XKR4: variants seen among roughly 807,000 people sequenced by gnomAD.
The protein encoded by XKR4 is XK-related protein 4.
In XKR4, 12 loss-of-function variants were observed where a neutral mutation model predicts 53.9. The ratio of observed to expected loss-of-function variants is 0.22; its 90% confidence interval spans 0.14 to 0.36. XKR4 has a LOEUF of 0.36. Among genes scored for constraint, XKR4 ranks in the 10% least tolerant of loss-of-function variants. XKR4 has a pLI of 1.00. For missense variants in XKR4, 799 were observed against 859.5 expected (o/e 0.93, Z 0.88); for synonymous variants, 354 against 362.4 (o/e 0.98, Z 0.26).
At chr8:55,348,456 A>G (rs1803680671) in intron 1 of XKR4, among the ~76,000 whole-genome samples, 1 of 152,198 alleles carries the variant, frequency 6.6e-6, no homozygotes, top group Non-Finnish European at 1.5e-5. Flanking sequence ...TTCTAGATAC[A>G]ATCAGCACAG....
intron 2 of XKR4, among the ~76,000 whole-genome samples, chr8:55,409,513 G>C (rs1804744043): frequency 2.0e-5 from 3 of 152,162 alleles, no homozygotes; most frequent in Admixed American, 2.0e-4. Context: ...GACTCAACAA[G>C]CGTAGAGACT....
At chr8:55,162,222 C>G (rs1011393350) in intron 1 of XKR4, among the ~76,000 whole-genome samples, 1 of 152,188 alleles carries the variant, frequency 6.6e-6, no homozygotes, top group Non-Finnish European at 1.5e-5. Context: ...AGAGTACACA[C>G]CGAGTGCCTC....
At chr8:55,129,621 GT>G (rs1816526745) in intron 1 of XKR4, among the ~76,000 whole-genome samples, 2 of 152,308 alleles carry the variant, frequency 1.3e-5, no homozygotes, top group South Asian at 4.1e-4. Flanking sequence ...GGGTGAGAAA[GT>G]TGACCCTGAG....
intron 2 of XKR4, among the ~76,000 whole-genome samples, chr8:55,439,676 A>T (rs1218879668): frequency 6.6e-6 from 1 of 152,236 alleles, no homozygotes; most frequent in African/African-American, 2.4e-5. Flanking sequence ...CAGCACAAAG[A>T]GACAAAGACA....
chr8:55,348,485 T>C lies in XKR4; in HGVS notation c.807-9193T>C, dbSNP rs558963812. 2.6e-5 allele frequency among the ~76,000 whole-genome samples: 4 copies of C among 152,316 alleles called. No homozygotes were observed. The East Asian group carries it at 7.7e-4, about 29-fold the overall frequency. On this transcript the variant is annotated intron_variant, in intron 1 of 2. Coordinates refer to ENST00000327381, the MANE Select transcript of XKR4 (RefSeq NM_052898.2). Reference sequence around the variant, plus strand: ...AGCACAGTTTCCAAGGAGACAAGACTGCTTGGCTTTTCTCTTCAAGTGTGC... The same window carrying C: ...AGCACAGTTTCCAAGGAGACAAGACCGCTTGGCTTTTCTCTTCAAGTGTGC...
chr8:55,524,383 G>A lies in XKR4; in HGVS notation c.*156G>A, dbSNP rs1024398474. The A allele has an allele frequency of 1.6e-5, 12 of 763,088 alleles. No individual in the cohort carries two copies. The highest frequency in any genetic ancestry group is 2.5e-5 in the Non-Finnish European group (12 of 487,334). 47.3% of individuals were successfully genotyped at this position (763,088 alleles called of 1,614,324 possible). On this transcript the variant is annotated 3_prime_UTR_variant, in exon 3 of 3. Transcript: ENST00000327381. ...TCATTTGATCCTGTCGGCTGGGGGC[G>A]GCTGGTCTCCTTCCAAAGCAGCTGC...
chr8:55,400,441 C>T (rs559501390), intron 2 of XKR4, among the ~76,000 whole-genome samples: 16 of 152,268 alleles, frequency 1.1e-4, no homozygotes, highest in African/African-American at 3.9e-4. Context: ...GGCAAGGAAT[C>T]GTTAGACCAT....
At chr8:55,510,957 A>G (rs183052366) in intron 2 of XKR4, among the ~76,000 whole-genome samples, 3 of 152,300 alleles carry the variant, frequency 2.0e-5, no homozygotes, top group Admixed American at 6.5e-5. Flanking sequence ...CAGTCCAACC[A>G]TTAGAGCAGA....
At position 55,363,267 on chromosome 8, in the gene XKR4, C is replaced by A. The variant is rs1803928858; in HGVS notation, c.1006+5390C>A. Among the ~76,000 whole-genome samples, 3 of 152,132 alleles carry A rather than the reference C, an allele frequency of 2.0e-5. No homozygotes were observed. In the South Asian group the frequency reaches 6.2e-4, roughly 32 times the overall value. ...ATGTGCCCAGGAAAGCTTTACTGAA[C>A]AAAAACGAAAAACACCGACTTCTCA... is the stretch of plus-strand genomic sequence containing the variant. On this transcript the variant is annotated intron_variant, in intron 2 of 2. Transcript: ENST00000327381.
chr8:55,503,393 C>T (rs971980351), intron 2 of XKR4, among the ~76,000 whole-genome samples: 7 of 151,818 alleles, frequency 4.6e-5, no homozygotes, highest in African/African-American at 1.7e-4. Context: ...ATATACATAC[C>T]TTTTGCTTCT....
chr8:55,324,883 A>G (rs911201419), intron 1 of XKR4, among the ~76,000 whole-genome samples: 1 of 152,172 alleles, frequency 6.6e-6, no homozygotes, highest in African/African-American at 2.4e-5. Flanking sequence ...TTCCCTTCCC[A>G]TATCAAACTT....
chr8:55,383,872 T>C (rs1262289325), intron 2 of XKR4, among the ~76,000 whole-genome samples: 1 of 152,184 alleles, frequency 6.6e-6, no homozygotes, highest in Non-Finnish European at 1.5e-5. Context: ...TCAGACAATC[T>C]GGCTCCCGAG....
At chr8:55,330,647 T>A (rs985945105) in intron 1 of XKR4, among the ~76,000 whole-genome samples, 1 of 152,226 alleles carries the variant, frequency 6.6e-6, no homozygotes, top group Non-Finnish European at 1.5e-5. Flanking sequence ...AGCTTTCTAC[T>A]GAAATCCTAA....
At chr8:55,445,293 G>A (rs2975988) in intron 2 of XKR4, among the ~76,000 whole-genome samples, 108,498 of 151,962 alleles carry the variant, frequency 0.71, 39,169 homozygotes, top group African/African-American at 0.83. Flanking sequence ...TCCTGACCTC[G>A]TGATCCACCT....
intron 1 of XKR4, among the ~76,000 whole-genome samples, chr8:55,296,826 C>A (rs1371203913): frequency 6.6e-6 from 1 of 151,902 alleles, no homozygotes; most frequent in Non-Finnish European, 1.5e-5. Context: ...TGTTTTGTAC[C>A]AAAACATGTA....
chr8:55,307,053 G>A (rs749708046), intron 1 of XKR4, among the ~76,000 whole-genome samples: 3 of 150,494 alleles, frequency 2.0e-5, no homozygotes, highest in Non-Finnish European at 4.4e-5. Flanking sequence ...AAAAAAAATA[G>A]GAGAAAATAT....
intron 2 of XKR4, among the ~76,000 whole-genome samples, chr8:55,366,061 C>G (rs1803979777): frequency 6.6e-6 from 1 of 152,220 alleles, no homozygotes; most frequent in Admixed American, 6.5e-5. Flanking sequence ...CCAGGAATGC[C>G]AAAAGCAGCG....
chr8:55,400,660 C>T, intron 2 of XKR4, among the ~76,000 whole-genome samples: 1 of 152,146 alleles, frequency 6.6e-6, no homozygotes, highest in Non-Finnish European at 1.5e-5. Flanking sequence ...CTAATCTAAA[C>T]CCAAAAGGTC....
intron 1 of XKR4, among the ~76,000 whole-genome samples, chr8:55,337,867 A>G (rs188056073): frequency 6.6e-6 from 1 of 152,230 alleles, no homozygotes; most frequent in Non-Finnish European, 1.5e-5. Flanking sequence ...CAGGAAAGGC[A>G]GAATATTTTC....
Sources: gnomAD v4.1 joint callset for allele counts (sites outside exome capture counted in the v4.1 genomes callset) on GRCh38, gnomAD v4.1.1 for gene constraint, MANE v1.5 for transcripts, NCBI Gene and HGNC (gene_info 2026-07-23, HGNC 2026-07-21) for gene names.